The following PROS1 variants were observed in gnomAD, a reference collection of about 807,000 sequenced individuals.
The protein encoded by PROS1 is protein S, also known as vitamin K-dependent protein S.
Under a neutral mutation model 75.9 loss-of-function variants are expected in PROS1, and 29 were observed. The observed-to-expected ratio is 0.38, with a 90% CI of 0.28 to 0.52. PROS1 has a LOEUF of 0.52. PROS1 is among the 20% of genes least tolerant of loss of function. The pLI is 0.83. For missense variants in PROS1, 680 were observed against 810.3 expected, an observed-to-expected ratio of 0.84 and a Z score of 1.95; for synonymous variants, 245 against 280.6, an observed-to-expected ratio of 0.87 and a Z score of 1.27.
In PROS1 at chr3:93,910,540, G is replaced by A. The variant is rs575540206; in HGVS notation, c.346+79C>T. 5.6e-5 allele frequency: 66 copies of A among 1,178,630 alleles called. No homozygotes were observed. In the Admixed American group the frequency reaches 8.1e-4, roughly 15 times the overall value. 73.0% of individuals were successfully genotyped at this position (1,178,630 alleles called of 1,614,324 possible). On this transcript the variant is annotated intron_variant, in intron 4 of 14. Transcript: ENST00000394236. ...AAGGATCATTTCTCAATTTTTAAAC[G>A]TTAGTTTATATTACCATGGGTGTAC...
At chr3:93,910,914 A>T in intron 3 of PROS1, 1 of 551,938 alleles carries the variant, frequency 1.8e-6, no homozygotes, top group Non-Finnish European at 3.3e-6. Flanking sequence ...AGAAACATAA[A>T]AAATAAGTCT....
At chr3:93,913,168 G>A (rs1350142652) in intron 3 of PROS1, among the ~76,000 whole-genome samples, 1 of 152,166 alleles carries the variant, frequency 6.6e-6, no homozygotes, top group African/African-American at 2.4e-5. Flanking sequence ...ATTACTAAGT[G>A]TTTGGTAGTT....
At chr3:93,933,789 T>C (rs1049550662) in intron 1 of PROS1, among the ~76,000 whole-genome samples, 11 of 151,564 alleles carry the variant, frequency 7.3e-5, no homozygotes, top group African/African-American at 2.7e-4. Context: ...CCAGGACAGA[T>C]CACGAGGTCA....
intron 3 of PROS1, among the ~76,000 whole-genome samples, chr3:93,912,377 A>T (rs748571750): frequency 5.3e-5 from 8 of 152,130 alleles, no homozygotes; most frequent in Non-Finnish European, 7.4e-5. Flanking sequence ...ATCTTTCATC[A>T]CATCTGCAAA....
chr3:93,906,771 C>T (rs142797320), intron 4 of PROS1, among the ~76,000 whole-genome samples: 13 of 152,360 alleles, frequency 8.5e-5, no homozygotes, highest in Non-Finnish European at 1.9e-4. Flanking sequence ...AGTGCCTGCT[C>T]TTGCTTCCTG....
chr3:93,879,712 G>A (rs1312138201), intron 12 of PROS1, among the ~76,000 whole-genome samples: 1 of 152,082 alleles, frequency 6.6e-6, no homozygotes, highest in East Asian at 1.9e-4. Context: ...GGAAAATCTG[G>A]GTACAGTTGC....
chr3:93,954,459 A>G (rs1272795872), intron 1 of PROS1, among the ~76,000 whole-genome samples: 2 of 152,208 alleles, frequency 1.3e-5, no homozygotes, highest in Non-Finnish European at 2.9e-5. Context: ...AAACCTGACA[A>G]AAACAAGAAA....
At chr3:93,968,259 T>G (rs1252542561) in intron 1 of PROS1, among the ~76,000 whole-genome samples, 2 of 152,132 alleles carry the variant, frequency 1.3e-5, no homozygotes, top group Non-Finnish European at 2.9e-5. Flanking sequence ...CCAGTGAGTC[T>G]GGTGTCCTTA....
chr3:93,945,198 C>A (rs978866682), intron 1 of PROS1, among the ~76,000 whole-genome samples: 4 of 152,128 alleles, frequency 2.6e-5, no homozygotes, highest in Non-Finnish European at 5.9e-5. Flanking sequence ...CAGGACCAGA[C>A]GGATTCACAG....
intron 1 of PROS1, among the ~76,000 whole-genome samples, chr3:93,947,802 C>T (rs1709428550): frequency 6.6e-6 from 1 of 152,040 alleles, no homozygotes; most frequent in African/African-American, 2.4e-5. Flanking sequence ...CTCCTGATCT[C>T]GTGATCTGCC....
At chr3:93,885,950 C>A (rs1708339727) in intron 11 of PROS1, among the ~76,000 whole-genome samples, 1 of 152,106 alleles carries the variant, frequency 6.6e-6, no homozygotes, top group African/African-American at 2.4e-5. Context: ...CTGGCTTTTA[C>A]AAAATGGTGT....
Position 93,884,795 on chromosome 3 carries a change from G to A in PROS1, c.1425C>T (p.Cys475=). ...AGGAGCCCTTCTCCACAGTAACCAG[G>A]CAATGCTTATTTTGTTTTTCTTGAA... is the stretch of plus-strand genomic sequence containing the variant. ...EIIQEKQNKH[C]LVTVEKGSYY... is the part of the protein sequence containing the mutation. Residue 475 remains cysteine, a synonymous_variant, in exon 12 of 15, where the codon TGC becomes TGT. Coordinates refer to ENST00000394236, the MANE Select transcript of PROS1 (RefSeq NM_000313.4). 6.2e-7 allele frequency: 1 copy of A among 1,613,704 alleles called. No individual in the cohort carries two copies.
chr3:93,933,708 G>T (rs1709140732), intron 1 of PROS1, among the ~76,000 whole-genome samples: 1 of 152,224 alleles, frequency 6.6e-6, no homozygotes. Context: ...CTGATCACTT[G>T]AAGTCAGCAG....
At chr3:93,912,580 C>T (rs542298337) in intron 3 of PROS1, among the ~76,000 whole-genome samples, 3 of 152,154 alleles carry the variant, frequency 2.0e-5, no homozygotes, top group East Asian at 3.9e-4. Context: ...CTATCTGAGT[C>T]CACTTTGTGT....
intron 9 of PROS1, among the ~76,000 whole-genome samples, chr3:93,894,513 T>C (rs1708473741): frequency 6.6e-6 from 1 of 152,166 alleles, no homozygotes; most frequent in Non-Finnish European, 1.5e-5. Context: ...GTTGATTCTA[T>C]TATGGAGATA....
At chr3:93,876,403 A>C (rs1360346680) in intron 14 of PROS1, among the ~76,000 whole-genome samples, 1 of 152,036 alleles carries the variant, frequency 6.6e-6, no homozygotes, top group Non-Finnish European at 1.5e-5. Flanking sequence ...CCTGGTTAAC[A>C]CGGTGAAACC....
intron 3 of PROS1, among the ~76,000 whole-genome samples, chr3:93,911,735 T>G (rs1708762147): frequency 2.6e-5 from 4 of 152,174 alleles, no homozygotes; most frequent in Admixed American, 2.0e-4. Context: ...TGGCACTTCT[T>G]TCATGACAGC....
intron 6 of PROS1, among the ~76,000 whole-genome samples, chr3:93,905,148 A>G (rs1417179679): frequency 6.6e-6 from 1 of 152,252 alleles, no homozygotes; most frequent in East Asian, 1.9e-4. Flanking sequence ...AGAATAAAAA[A>G]TATAATGTCT....
At chr3:93,928,827 T>C in intron 1 of PROS1, 1 of 924,120 alleles carries the variant, frequency 1.1e-6, no homozygotes, top group South Asian at 1.5e-5. Flanking sequence ...AACAATCATA[T>C]AAACCATCAC....
Sources: gnomAD v4.1 joint callset for allele counts (sites outside exome capture counted in the v4.1 genomes callset) on GRCh38, gnomAD v4.1.1 for gene constraint, MANE v1.5 for transcripts, NCBI Gene and HGNC (gene_info 2026-07-23, HGNC 2026-07-21) for gene names.